UST: variants seen among roughly 807,000 people sequenced by gnomAD.
UST encodes uronyl 2-sulfotransferase.
Under a neutral mutation model 45.6 loss-of-function variants are expected in UST, and 21 were observed. The ratio of observed to expected loss-of-function variants is 0.46; its 90% confidence interval spans 0.33 to 0.66. UST has a LOEUF of 0.66. Ranked by LOEUF, UST falls within the 30% of genes least tolerant of loss-of-function variation. The pLI is 0.02. For missense variants in UST, 463 were observed against 512.4 expected (o/e 0.90, Z 0.93); for synonymous variants, 215 against 200.6 (o/e 1.07, Z -0.61).
intron 1 of UST, among the ~76,000 whole-genome samples, chr6:148,772,426 C>T (rs1220874645): frequency 6.8e-6 from 1 of 147,638 alleles, no homozygotes; most frequent in African/African-American, 2.4e-5. Context: ...GCCCTTCTGA[C>T]CTTTTTTTTT....
Position 148,753,349 on chromosome 6 carries a change from C to T in UST, c.247+5672C>T, listed in dbSNP as rs77092816. Among the ~76,000 whole-genome samples the T allele has an allele frequency of 1.5e-4, 23 of 152,282 alleles. No homozygotes were observed. In the East Asian group the frequency reaches 4.2e-3, roughly 28 times the overall value. On this transcript the variant is annotated intron_variant, in intron 1 of 7. Transcript: ENST00000367463. ...TTACTTTCTGTCTGTATAGATTTGC[C>T]TATTCTTGGCATTTTATAGAAATAG...
intron 1 of UST, among the ~76,000 whole-genome samples, chr6:148,750,306 G>A (rs973826919): frequency 6.6e-6 from 1 of 152,188 alleles, no homozygotes; most frequent in African/African-American, 2.4e-5. Context: ...TATCAAACAG[G>A]TAGTGTGATA....
At chr6:148,786,970 G>A (rs552138485) in intron 1 of UST, among the ~76,000 whole-genome samples, 23 of 152,280 alleles carry the variant, frequency 1.5e-4, no homozygotes, top group African/African-American at 5.5e-4. Flanking sequence ...AATCAATGAT[G>A]TTGAGCTTTT....
intron 1 of UST, among the ~76,000 whole-genome samples, chr6:148,849,460 T>C (rs189971687): frequency 6.6e-6 from 1 of 152,256 alleles, no homozygotes; most frequent in East Asian, 1.9e-4. Context: ...TTCCGGGCAG[T>C]TTACCTTGAG....
chr6:148,901,497 A>G (rs1375888107), intron 2 of UST, among the ~76,000 whole-genome samples: 1 of 151,858 alleles, frequency 6.6e-6, no homozygotes, highest in Non-Finnish European at 1.5e-5. Context: ...GCAGAGAGGA[A>G]CTAGAGGGGC....
At chr6:149,010,256 C>T (rs1775783543) in intron 5 of UST, among the ~76,000 whole-genome samples, 1 of 152,158 alleles carries the variant, frequency 6.6e-6, no homozygotes, top group Admixed American at 6.5e-5. Context: ...CAGTTTGACT[C>T]CATCAGGATG....
chr6:149,064,599 G>A (rs1036317084), intron 7 of UST, among the ~76,000 whole-genome samples: 1 of 152,156 alleles, frequency 6.6e-6, no homozygotes, highest in Admixed American at 6.5e-5. Context: ...CACCAGTGAG[G>A]CCTAATTGAA....
intron 2 of UST, among the ~76,000 whole-genome samples, chr6:148,910,134 C>CTTTTTTTT (rs148286486): frequency 4.8e-5 from 5 of 103,444 alleles, no homozygotes; most frequent in Non-Finnish European, 7.4e-5. Context: ...GCCTGGGATG[C>CTTTTTTTT]TTTTTTTTTT....
At chr6:148,841,807 A>T (rs1777897111) in intron 1 of UST, among the ~76,000 whole-genome samples, 1 of 152,190 alleles carries the variant, frequency 6.6e-6, no homozygotes, top group Non-Finnish European at 1.5e-5. Flanking sequence ...TCATGTGTCA[A>T]TTAAAAGCCA....
intron 5 of UST, among the ~76,000 whole-genome samples, chr6:148,965,773 C>G (rs778239108): frequency 2.0e-5 from 3 of 151,798 alleles, no homozygotes; most frequent in African/African-American, 4.8e-5. Context: ...CACTCACCTT[C>G]GGTATTTGAT....
At chr6:148,753,815 T>G (rs180889291) in intron 1 of UST, among the ~76,000 whole-genome samples, 2 of 152,322 alleles carry the variant, frequency 1.3e-5, no homozygotes, top group African/African-American at 2.4e-5. Flanking sequence ...GAATTCCAAT[T>G]TCTTCACATC....
At chr6:149,003,036 G>A (rs922120502) in intron 5 of UST, among the ~76,000 whole-genome samples, 4 of 152,130 alleles carry the variant, frequency 2.6e-5, no homozygotes, top group Non-Finnish European at 5.9e-5. Context: ...AAGAATCTTG[G>A]CATTCATTGG....
intron 1 of UST, among the ~76,000 whole-genome samples, chr6:148,836,899 A>T (rs1248476196): frequency 1.3e-5 from 2 of 152,212 alleles, no homozygotes; most frequent in African/African-American, 4.8e-5. Context: ...GAAGACACTT[A>T]CATTTGGGGG....
intron 1 of UST, among the ~76,000 whole-genome samples, chr6:148,828,537 C>T (rs2114754930): frequency 6.6e-6 from 1 of 152,248 alleles, no homozygotes; most frequent in Non-Finnish European, 1.5e-5. Flanking sequence ...GACTCTGGAA[C>T]CAGATTGCCT....
At chr6:148,995,249 C>T (rs1781431930) in intron 5 of UST, among the ~76,000 whole-genome samples, 1 of 152,228 alleles carries the variant, frequency 6.6e-6, no homozygotes, top group Admixed American at 6.5e-5. Flanking sequence ...TCTCGAACTC[C>T]TGGCCTCAAG....
At chr6:149,004,606 C>G (rs1197516348) in intron 5 of UST, among the ~76,000 whole-genome samples, 1 of 152,170 alleles carries the variant, frequency 6.6e-6, no homozygotes, top group African/African-American at 2.4e-5. Flanking sequence ...AGACTCTATT[C>G]CACTGGAGGT....
intron 1 of UST, among the ~76,000 whole-genome samples, chr6:148,783,243 T>C (rs1420412005): frequency 6.6e-6 from 1 of 152,254 alleles, no homozygotes; most frequent in Non-Finnish European, 1.5e-5. Flanking sequence ...GCACACTTAA[T>C]AGACTATAGT....
intron 2 of UST, among the ~76,000 whole-genome samples, chr6:148,904,403 T>A (rs923088437): frequency 3.3e-5 from 5 of 152,136 alleles, no homozygotes; most frequent in African/African-American, 1.2e-4. Context: ...TATTTTGGAG[T>A]TGATGTTCTT....
At chr6:148,796,947 C>T (rs945383798) in intron 1 of UST, among the ~76,000 whole-genome samples, 2 of 151,686 alleles carry the variant, frequency 1.3e-5, no homozygotes, top group African/African-American at 2.4e-5. Flanking sequence ...AGATTACAGG[C>T]GCCTCCCATG....
Sources: allele counts gnomAD v4.1 joint callset (sites outside exome capture counted in the v4.1 genomes callset), GRCh38; gene constraint gnomAD v4.1.1; transcripts MANE v1.5; gene names NCBI Gene and HGNC (gene_info 2026-07-23, HGNC 2026-07-21).